LRP1B: variants seen among roughly 807,000 people sequenced by gnomAD.
The protein encoded by LRP1B is low-density lipoprotein receptor-related protein 1B.
In LRP1B, 217 loss-of-function variants were observed where a neutral mutation model predicts 556.6. The ratio of observed to expected loss-of-function variants is 0.39; its 90% CI spans 0.35 to 0.44. The LOEUF is 0.44. Among genes scored for constraint, LRP1B ranks in the 20% least tolerant of loss-of-function variants. LRP1B has a pLI of 1.00. For synonymous variants in LRP1B, 2,047 were observed against 1,865.8 expected, an observed-to-expected ratio of 1.10 and a Z score of -2.50; for missense variants, 5,053 against 5,620.8, an observed-to-expected ratio of 0.90 and a Z score of 3.23.
At chr2:141,823,468 A>G (rs1696821191) in intron 1 of LRP1B, among the ~76,000 whole-genome samples, 1 of 152,142 alleles carries the variant, frequency 6.6e-6, no homozygotes, top group Non-Finnish European at 1.5e-5. Flanking sequence ...ACTAACAATC[A>G]GAAGTAACTG....
intron 11 of LRP1B, among the ~76,000 whole-genome samples, chr2:141,040,338 T>C (rs78512422): frequency 0.013 from 2,053 of 152,234 alleles, 46 homozygotes; most frequent in African/African-American, 0.047. Flanking sequence ...AACACTCTAA[T>C]GTAATTCATT....
At chr2:140,996,749 T>A (rs1461023051) in intron 15 of LRP1B, among the ~76,000 whole-genome samples, 1 of 151,764 alleles carries the variant, frequency 6.6e-6, no homozygotes, top group East Asian at 1.9e-4. Flanking sequence ...AGGACATGGA[T>A]AAAGTTGCAA....
chr2:141,486,925 G>C (rs779672003), intron 2 of LRP1B, among the ~76,000 whole-genome samples: 2 of 152,078 alleles, frequency 1.3e-5, no homozygotes, highest in Non-Finnish European at 2.9e-5. Context: ...GGGCCTCTGT[G>C]GTCCCGGCCA....
At chr2:140,425,602 G>T (rs1023300211) in intron 66 of LRP1B, among the ~76,000 whole-genome samples, 2 of 152,034 alleles carry the variant, frequency 1.3e-5, no homozygotes, top group Non-Finnish European at 2.9e-5. Flanking sequence ...GTAGAGATGG[G>T]GTTTCACCAT....
intron 7 of LRP1B, among the ~76,000 whole-genome samples, chr2:141,177,369 G>A (rs532935838): frequency 3.9e-5 from 6 of 152,120 alleles, no homozygotes; most frequent in South Asian, 2.1e-4. Flanking sequence ...GTACAATACC[G>A]CTTTAATAAA....
Position 141,284,970 on chromosome 2 carries a change from A to G in LRP1B, c.344-30329T>C, listed in dbSNP as rs116523873. Among the ~76,000 whole-genome samples the G allele has an allele frequency of 6.2e-3, 942 of 152,354 alleles. 13 individuals are homozygous for G. The highest frequency in any genetic ancestry group is 0.022 in the African/African-American group (900 of 41,578). On this transcript the variant is annotated intron_variant, in intron 3 of 90. Coordinates refer to ENST00000389484, the MANE Select transcript of LRP1B (RefSeq NM_018557.3). Reference sequence around the variant, plus strand: ...GCATTTCCAAAAAAATTTAAAACCAACATGTCAATTTCTACAAAAAATTAT... The same window carrying G: ...GCATTTCCAAAAAAATTTAAAACCAGCATGTCAATTTCTACAAAAAATTAT...
intron 45 of LRP1B, among the ~76,000 whole-genome samples, chr2:140,538,937 C>T (rs1163683901): frequency 2.0e-5 from 3 of 152,068 alleles, no homozygotes; most frequent in African/African-American, 7.2e-5. Context: ...CAAAAACAAA[C>T]ATTGTATGAA....
chr2:141,068,557 CA>C (rs564540035), intron 7 of LRP1B, among the ~76,000 whole-genome samples: 5,516 of 71,670 alleles, frequency 0.077, 87 homozygotes, highest in South Asian at 0.16. Context: ...ATGTGGTTGG[CA>C]AAAAAAAAAA....
intron 41 of LRP1B, among the ~76,000 whole-genome samples, chr2:140,667,250 T>TA (rs2105350946): frequency 6.6e-6 from 1 of 152,274 alleles, no homozygotes; most frequent in South Asian, 2.1e-4. Context: ...AGAATCCACT[T>TA]AGTTACCAAC....
chr2:140,618,551 A>C (rs1434083702), intron 41 of LRP1B, among the ~76,000 whole-genome samples: 1 of 152,196 alleles, frequency 6.6e-6, no homozygotes, highest in Non-Finnish European at 1.5e-5. Flanking sequence ...CTGAAAGAGA[A>C]AGAAAATAAT....
At chr2:141,221,850 G>A (rs1421491191) in intron 6 of LRP1B, among the ~76,000 whole-genome samples, 1 of 152,170 alleles carries the variant, frequency 6.6e-6, no homozygotes. Context: ...TGAAATTAAG[G>A]CAGAAATCAA....
At chr2:141,287,684 C>T (rs1361865019) in intron 3 of LRP1B, among the ~76,000 whole-genome samples, 1 of 152,040 alleles carries the variant, frequency 6.6e-6, no homozygotes, top group Non-Finnish European at 1.5e-5. Context: ...TATCGTTATG[C>T]TTTAAAACTT....
intron 1 of LRP1B, among the ~76,000 whole-genome samples, chr2:142,067,501 A>C (rs1705149609): frequency 6.6e-6 from 1 of 151,580 alleles, no homozygotes; most frequent in African/African-American, 2.4e-5. Context: ...GTGTGGACTA[A>C]AAAATATGCT....
chr2:140,343,619 T>G (rs1681506742), intron 77 of LRP1B, among the ~76,000 whole-genome samples: 1 of 151,656 alleles, frequency 6.6e-6, no homozygotes, highest in African/African-American at 2.4e-5. Flanking sequence ...GTGAACAAAG[T>G]AAACAGCAGA....
chr2:141,693,013 A>G (rs1452061855), intron 2 of LRP1B, among the ~76,000 whole-genome samples: 1 of 152,002 alleles, frequency 6.6e-6, no homozygotes, highest in Non-Finnish European at 1.5e-5. Context: ...AAGAATTTCA[A>G]GAGGGTGCTA....
At chr2:141,877,027 C>T (rs567897473) in intron 1 of LRP1B, among the ~76,000 whole-genome samples, 3 of 151,996 alleles carry the variant, frequency 2.0e-5, no homozygotes, top group Admixed American at 1.3e-4. Context: ...ATATTTTCAT[C>T]TTTTAATGAA....
At chr2:140,964,422 T>C (rs1387242856) in intron 18 of LRP1B, among the ~76,000 whole-genome samples, 1 of 152,100 alleles carries the variant, frequency 6.6e-6, no homozygotes, top group Non-Finnish European at 1.5e-5. Context: ...GACCTCCCCT[T>C]TCCCGGTCTG....
At chr2:140,819,816 C>G (rs1033371938) in intron 31 of LRP1B, among the ~76,000 whole-genome samples, 6 of 152,048 alleles carry the variant, frequency 3.9e-5, no homozygotes, top group African/African-American at 1.2e-4. Flanking sequence ...ATACAGAGAA[C>G]TGGATAACTG....
At chr2:142,040,942 C>T (rs1351722193) in intron 1 of LRP1B, among the ~76,000 whole-genome samples, 3 of 151,286 alleles carry the variant, frequency 2.0e-5, no homozygotes, top group African/African-American at 4.8e-5. Flanking sequence ...TAGGGAGTAG[C>T]TATCAACCTC....
Sources: allele counts gnomAD v4.1 joint callset (sites outside exome capture counted in the v4.1 genomes callset), GRCh38; gene constraint gnomAD v4.1.1; transcripts MANE v1.5; gene names NCBI Gene and HGNC (gene_info 2026-07-23, HGNC 2026-07-21).